The following TTC28 variants were observed in gnomAD, a reference collection of about 807,000 sequenced individuals.
TTC28 encodes tetratricopeptide repeat protein 28.
A neutral mutation model predicts 198.0 loss-of-function variants in TTC28; 61 were observed. The ratio of observed to expected loss-of-function variants is 0.31; its 90% CI spans 0.25 to 0.38. The LOEUF (loss-of-function observed/expected upper bound fraction) is 0.38. Ranked by LOEUF, TTC28 falls within the 10% of genes least tolerant of loss-of-function variation. The pLI is 1.00. For synonymous variants in TTC28, 1,171 were observed against 1,297.8 expected, an observed-to-expected ratio of 0.90 and a Z score of 2.10; for missense variants, 2,678 against 3,164.0, an observed-to-expected ratio of 0.85 and a Z score of 3.69.
intron 13 of TTC28, among the ~76,000 whole-genome samples, chr22:28,015,166 C>T (rs1269612106): frequency 6.6e-6 from 1 of 152,140 alleles, no homozygotes; most frequent in Non-Finnish European, 1.5e-5. Context: ...GTCTGCCAGG[C>T]ACTGGTATAG....
chr22:28,462,571 C>CAAT (rs945623781), intron 2 of TTC28, among the ~76,000 whole-genome samples: 3 of 152,138 alleles, frequency 2.0e-5, no homozygotes, highest in Non-Finnish European at 4.4e-5. Flanking sequence ...CCAACCTATA[C>CAAT]AATAATAATA....
intron 2 of TTC28, among the ~76,000 whole-genome samples, chr22:28,535,409 T>C (rs185868889): frequency 6.6e-6 from 1 of 152,342 alleles, no homozygotes; most frequent in East Asian, 1.9e-4. Context: ...TATAAATTAA[T>C]GTTGCCTGTT....
intron 6 of TTC28, among the ~76,000 whole-genome samples, chr22:28,154,637 T>A (rs1420029162): frequency 6.6e-6 from 1 of 152,190 alleles, no homozygotes; most frequent in Non-Finnish European, 1.5e-5. Flanking sequence ...ATTACAGGCG[T>A]GAGCCACCAC....
chr22:28,654,448 C>G (rs1266229496), intron 1 of TTC28, among the ~76,000 whole-genome samples: 1 of 152,180 alleles, frequency 6.6e-6, no homozygotes, highest in African/African-American at 2.4e-5. Context: ...CTGCCTCAGC[C>G]TCCCAAGTAT....
intron 21 of TTC28, among the ~76,000 whole-genome samples, chr22:27,989,300 G>C (rs554078499): frequency 6.6e-6 from 1 of 152,332 alleles, no homozygotes; most frequent in Non-Finnish European, 1.5e-5. Context: ...CCAGTTTTGA[G>C]TACCCGTTGA....
At chr22:28,064,382 T>C (rs1342069227) in intron 12 of TTC28, among the ~76,000 whole-genome samples, 4 of 152,108 alleles carry the variant, frequency 2.6e-5, no homozygotes, top group African/African-American at 9.7e-5. Context: ...ACTTCAAACC[T>C]CTCTGATTCT....
intron 2 of TTC28, among the ~76,000 whole-genome samples, chr22:28,482,502 C>T (rs894607333): frequency 1.2e-4 from 18 of 151,692 alleles, no homozygotes; most frequent in Non-Finnish European, 2.6e-4. Flanking sequence ...GCCACCGCGC[C>T]CGGCCAGTAA....
At chr22:28,359,322 A>G (rs1245360743) in intron 2 of TTC28, among the ~76,000 whole-genome samples, 1 of 152,192 alleles carries the variant, frequency 6.6e-6, no homozygotes, top group Non-Finnish European at 1.5e-5. Context: ...GTTTGACTGT[A>G]GTCATGTACC....
intron 2 of TTC28, among the ~76,000 whole-genome samples, chr22:28,579,646 G>A (rs1054974612): frequency 2.0e-5 from 3 of 150,272 alleles, no homozygotes; most frequent in Non-Finnish European, 3.0e-5. Context: ...GTGTGTGTGT[G>A]TATAAATACA....
At chr22:28,377,096 A>G (rs989380858) in intron 2 of TTC28, among the ~76,000 whole-genome samples, 3 of 38,398 alleles carry the variant, frequency 7.8e-5, no homozygotes, top group Non-Finnish European at 1.9e-4. Context: ...AATAGATTCT[A>G]AAGTAAAAAA....
intron 2 of TTC28, among the ~76,000 whole-genome samples, chr22:28,381,849 A>C (rs564852947): frequency 6.6e-6 from 1 of 152,180 alleles, no homozygotes; most frequent in African/African-American, 2.4e-5. Context: ...TCCAAAACAT[A>C]TATTTCTCTG....
At chr22:28,214,576 A>C (rs1444873969) in intron 5 of TTC28, among the ~76,000 whole-genome samples, 1 of 152,246 alleles carries the variant, frequency 6.6e-6, no homozygotes, top group Non-Finnish European at 1.5e-5. Flanking sequence ...TCAAAACCAC[A>C]ATGAGATACC....
At chr22:28,067,101 C>G (rs1400501802) in intron 12 of TTC28, among the ~76,000 whole-genome samples, 1 of 152,180 alleles carries the variant, frequency 6.6e-6, no homozygotes, top group Non-Finnish European at 1.5e-5. Flanking sequence ...GTGGCAGCAG[C>G]TACATTAGAC....
At chr22:27,998,416 A>G in intron 16 of TTC28, 124 bp downstream of exon 16, 1 of 1,408,134 alleles carries the variant, frequency 7.1e-7, no homozygotes, top group Middle Eastern at 2.6e-4. Flanking sequence ...TCTCTCCCTG[A>G]GTCTTCTGTG....
intron 5 of TTC28, among the ~76,000 whole-genome samples, chr22:28,178,168 T>C (rs539491132): frequency 3.3e-5 from 5 of 152,024 alleles, no homozygotes; most frequent in Admixed American, 2.6e-4. Context: ...AAGAAAAGTA[T>C]ATCGGGCCGG....
At chr22:28,178,732 G>A (rs1323790435) in intron 5 of TTC28, among the ~76,000 whole-genome samples, 2 of 152,146 alleles carry the variant, frequency 1.3e-5, no homozygotes, top group Non-Finnish European at 2.9e-5. Context: ...TTTCATATAT[G>A]TTGTTTCATT....
At chr22:28,244,675 C>T (rs1246451476) in intron 5 of TTC28, among the ~76,000 whole-genome samples, 1 of 152,232 alleles carries the variant, frequency 6.6e-6, no homozygotes, top group African/African-American at 2.4e-5. Context: ...GAATTCTCAG[C>T]ACCTCTGCTT....
Position 28,302,203 on chromosome 22 carries a change from C to T in TTC28, c.529+4293G>A, listed in dbSNP as rs187537288. On this transcript the variant is annotated intron_variant, in intron 3 of 22. Transcript: ENST00000397906. ...GTGGTACCTGAATAGAAATCAGAGA[C>T]GGAGAAACCATAGTGTTTTCTAGGA... Among the ~76,000 whole-genome samples, 26 of 152,076 alleles carry T rather than the reference C, an allele frequency of 1.7e-4. No individual in the cohort carries two copies. In the East Asian group the frequency reaches 4.1e-3, roughly 24 times the overall value.
intron 2 of TTC28, among the ~76,000 whole-genome samples, chr22:28,474,977 T>C (rs539527050): frequency 6.6e-5 from 10 of 150,670 alleles, no homozygotes; most frequent in African/African-American, 2.4e-4. Flanking sequence ...GAGAATCATG[T>C]TTGAATGAAA....
Sources: gnomAD v4.1 joint callset for allele counts (sites outside exome capture counted in the v4.1 genomes callset) on GRCh38, gnomAD v4.1.1 for gene constraint, MANE v1.5 for transcripts, NCBI Gene and HGNC (gene_info 2026-07-23, HGNC 2026-07-21) for gene names.